Variants in FXR1 observed in about 807,000 individuals in gnomAD.
The protein encoded by FXR1 is FMR1 autosomal homolog 1, also known as RNA-binding protein FXR1.
FXR1 carries 15 observed loss-of-function variants against 84.0 expected under a neutral mutation model. The ratio of observed to expected loss-of-function variants is 0.18; its 90% CI spans 0.12 to 0.27. The LOEUF is 0.27. Among genes scored for constraint, FXR1 ranks in the 10% least tolerant of loss-of-function variants. The pLI, the probability that FXR1 is intolerant of heterozygous loss-of-function variation, is 1.00. For synonymous variants in FXR1, 245 were observed against 250.7 expected, an observed-to-expected ratio of 0.98 and a Z score of 0.21; for missense variants, 480 against 774.4, an observed-to-expected ratio of 0.62 and a Z score of 4.51.
In FXR1 at chr3:180,968,195, G is replaced by A. The variant is rs1001051911; in HGVS notation, c.1343G>A (p.Ser448Asn). 3.1e-6 allele frequency: 5 copies of A among 1,613,924 alleles called. No homozygotes were observed. The Admixed American group carries it at 5.0e-5, about 16-fold the overall frequency. ...SRRRPGGRGRSVSGGRGRGGP... is the reference protein window; with the variant it reads ...SRRRPGGRGRNVSGGRGRGGP... ...AGACGCCCAGGAGGAAGAGGCAGAA[G>A]TGTTTCAGGGGGTCGAGGTCGTGGT... Residue 448 changes from serine to asparagine, a missense_variant, in exon 14 of 17, where the codon AGT (serine) becomes AAT (asparagine). Ser to Asn is a conservative substitution (Grantham distance 46, BLOSUM62 1). Coordinates refer to ENST00000357559, the MANE Select transcript of FXR1 (RefSeq NM_005087.4).
At chr3:180,970,507 A>T (rs1713435233) in intron 15 of FXR1, 149 bp downstream of exon 15, 3 of 199,654 alleles carry the variant, frequency 1.5e-5, no homozygotes, top group Non-Finnish European at 2.9e-5. Flanking sequence ...TTTACTTTGA[A>T]CAAGGTAGAT....
intron 8 of FXR1, among the ~76,000 whole-genome samples, chr3:180,952,547 A>G (rs1264670615): frequency 2.0e-5 from 3 of 151,692 alleles, no homozygotes; most frequent in Non-Finnish European, 4.4e-5. Context: ...ACAGAGAGCA[A>G]GGTCCTGTCT....
At chr3:180,968,416 G>GT in intron 14 of FXR1, 162 bp downstream of exon 14, 3 of 592,974 alleles carry the variant, frequency 5.1e-6, no homozygotes, top group Admixed American at 2.9e-5. Flanking sequence ...AAAAGCCCTC[G>GT]TAGAGTGTTT....
chr3:180,925,023 T>G (rs1719000884), intron 1 of FXR1, among the ~76,000 whole-genome samples: 1 of 152,174 alleles, frequency 6.6e-6, no homozygotes, highest in African/African-American at 2.4e-5. Context: ...TCTCAAAATA[T>G]CTTCCTCAGT....
At chr3:180,923,999 C>T (rs1489173331) in intron 1 of FXR1, among the ~76,000 whole-genome samples, 1 of 152,070 alleles carries the variant, frequency 6.6e-6, no homozygotes, top group East Asian at 1.9e-4. Flanking sequence ...TGCTCTGTCG[C>T]CCAGGCTGGA....
At chr3:180,920,704 A>G (rs1275933045) in intron 1 of FXR1, among the ~76,000 whole-genome samples, 2 of 151,872 alleles carry the variant, frequency 1.3e-5, no homozygotes, top group African/African-American at 4.8e-5. Context: ...AGAGATGGCG[A>G]TTTGCCGTGT....
At chr3:180,925,250 A>G (rs1238496572) in intron 1 of FXR1, among the ~76,000 whole-genome samples, 1 of 151,816 alleles carries the variant, frequency 6.6e-6, no homozygotes, top group South Asian at 2.1e-4. Flanking sequence ...AGTCCCAGCT[A>G]CTCGGAAGGC....
In FXR1 at chr3:180,948,493, G is replaced by A. The variant is rs890895931; in HGVS notation, c.417G>A (p.Glu139=). 6.3e-6 allele frequency: 10 copies of A among 1,595,056 alleles called. No individual in the cohort carries two copies. The highest frequency in any genetic ancestry group is 8.6e-6 in the Non-Finnish European group (10 of 1,166,182). ...CTVDVPEDLR[E]ACANENAHKD... is the part of the protein sequence containing the mutation. ...TGGATGTTCCTGAGGATTTGAGAGA[G>A]GCGTGAGTAATTTTATATACTATTG... Residue 139 remains glutamate, a splice_region_variant and synonymous_variant, in exon 5 of 17, where the codon GAG becomes GAA. Coordinates refer to ENST00000357559, the MANE Select transcript of FXR1 (RefSeq NM_005087.4).
intron 9 of FXR1, among the ~76,000 whole-genome samples, chr3:180,954,994 T>TG (rs1405813407): frequency 2.2e-4 from 33 of 149,550 alleles, no homozygotes; most frequent in Non-Finnish European, 4.8e-4. Flanking sequence ...TAAATTTTTT[T>TG]TTTTTTTTTT....
chr3:180,958,272 G>C (rs1262231098), intron 10 of FXR1, among the ~76,000 whole-genome samples: 3 of 151,948 alleles, frequency 2.0e-5, no homozygotes, highest in African/African-American at 4.8e-5. Context: ...GGGTATAGGT[G>C]GTTTTTGGTT....
chr3:180,957,642 A>G, intron 9 of FXR1, 177 bp from the exon 10 acceptor site: 2 of 484,674 alleles, frequency 4.1e-6, no homozygotes, highest in Non-Finnish European at 3.7e-6. Context: ...AGTAAGTTTC[A>G]GACCAAGGGT....
intron 1 of FXR1, among the ~76,000 whole-genome samples, chr3:180,913,569 G>A (rs1377646562): frequency 6.6e-6 from 1 of 152,158 alleles, no homozygotes; most frequent in African/African-American, 2.4e-5. Flanking sequence ...TGGGAGGAAG[G>A]ACATCCATTA....
chr3:180,945,884 G>T (rs1429969610), intron 3 of FXR1, among the ~76,000 whole-genome samples: 5 of 88,186 alleles, frequency 5.7e-5, no homozygotes, highest in Non-Finnish European at 1.2e-4. Flanking sequence ...TGAGAACAAT[G>T]TTTGAGAAAT....
chr3:180,913,671 A>G (rs1234683005), intron 1 of FXR1, among the ~76,000 whole-genome samples: 2 of 152,148 alleles, frequency 1.3e-5, no homozygotes, highest in East Asian at 3.8e-4. Flanking sequence ...TGAAATCCTA[A>G]TAGTTTATTT....
chr3:180,949,027 A>C (rs1721957793), intron 6 of FXR1, among the ~76,000 whole-genome samples, 200 bp from the exon 7 acceptor site: 1 of 152,232 alleles, frequency 6.6e-6, no homozygotes, highest in Non-Finnish European at 1.5e-5. Context: ...ATTTTTCCCC[A>C]ATCAAACATA....
chr3:180,951,087 G>A (rs1722190454), intron 7 of FXR1, among the ~76,000 whole-genome samples: 1 of 151,966 alleles, frequency 6.6e-6, no homozygotes, highest in Admixed American at 6.6e-5. Context: ...GCTGGGCTCA[G>A]TGGTGCGTGC....
rs189637480 is a variant in FXR1, at chr3:180,929,288, T to C, written c.52-4046T>C. 1.9e-4 allele frequency among the ~76,000 whole-genome samples: 29 copies of C among 152,352 alleles called. 1 individual carries two copies. In the East Asian group the frequency reaches 5.2e-3, roughly 27 times the overall value. ...TGTGGGCATTTTAAGATATTTTTTTTTCCGCCTATCCATAGCAAGCTGTGA... is the reference window on the plus strand; with the variant it reads ...TGTGGGCATTTTAAGATATTTTTTTCTCCGCCTATCCATAGCAAGCTGTGA... On this transcript the variant is annotated intron_variant, in intron 1 of 16. Transcript: ENST00000357559.
Position 180,980,174 on chromosome 3 carries a change from C to G in FXR1, c.*3882C>G, listed in dbSNP as rs1250565174. ...ACCCTGAGCAACACCTAACCAAATG[C>G]CCAAGTATTCTCATAAGGAGTATGC... On this transcript the variant is annotated 3_prime_UTR_variant, in exon 17 of 17. Transcript: ENST00000357559. 3 of 152,026 alleles carry G rather than the reference C, an allele frequency of 2.0e-5. No individual in the cohort carries two copies. Among genetic ancestry groups the G allele is most frequent in the African/African-American group, 7.2e-5 (3 of 41,412 alleles). 9.4% of individuals were successfully genotyped at this position (152,026 alleles called of 1,614,324 possible).
chr3:180,935,453 T>C (rs538197362), intron 3 of FXR1, among the ~76,000 whole-genome samples: 1 of 152,342 alleles, frequency 6.6e-6, no homozygotes, highest in East Asian at 1.9e-4. Flanking sequence ...TTTATCATTA[T>C]AATTTGGAAG....
Sources: gnomAD v4.1 joint callset for allele counts (sites outside exome capture counted in the v4.1 genomes callset) on GRCh38, gnomAD v4.1.1 for gene constraint, MANE v1.5 for transcripts, NCBI Gene and HGNC (gene_info 2026-07-23, HGNC 2026-07-21) for gene names.